PARP8: variants seen among roughly 807,000 people sequenced by gnomAD.
PARP8 encodes poly(ADP-ribose) polymerase family member 8.
Under a neutral mutation model 124.1 loss-of-function variants are expected in PARP8, and 51 were observed. The ratio of observed to expected loss-of-function variants is 0.41; its 90% CI spans 0.33 to 0.52. The LOEUF (loss-of-function observed/expected upper bound fraction) is 0.52, where lower values mean the gene tolerates loss of function less well. Among genes scored for constraint, PARP8 ranks in the 20% least tolerant of loss-of-function variants. The pLI is 0.21. For missense variants in PARP8, 860 were observed against 1,018.9 expected, an observed-to-expected ratio of 0.84 and a Z score of 2.12; for synonymous variants, 391 against 361.5, an observed-to-expected ratio of 1.08 and a Z score of -0.93.
chr5:50,774,193 T>A (rs963521276), intron 7 of PARP8, among the ~76,000 whole-genome samples: 9 of 152,210 alleles, frequency 5.9e-5, no homozygotes, highest in Non-Finnish European at 1.3e-4. Context: ...GGCAGAAGAA[T>A]TTTTCTTAGT....
At chr5:50,713,499 C>T (rs1303625891) in intron 2 of PARP8, among the ~76,000 whole-genome samples, 3 of 151,956 alleles carry the variant, frequency 2.0e-5, no homozygotes, top group African/African-American at 7.2e-5. Context: ...CCTGTGCCTC[C>T]CATAGTGCTG....
intron 25 of PARP8, among the ~76,000 whole-genome samples, chr5:50,837,782 G>A (rs1747744857): frequency 6.6e-6 from 1 of 150,708 alleles, no homozygotes; most frequent in South Asian, 2.1e-4. Flanking sequence ...AAAATTTAAA[G>A]GAAGATATCA....
chr5:50,803,082 A>G (rs1481968208), intron 14 of PARP8, among the ~76,000 whole-genome samples: 1 of 151,506 alleles, frequency 6.6e-6, no homozygotes, highest in Non-Finnish European at 1.5e-5. Context: ...TGGGTATAGA[A>G]TTCATGGTTG....
rs144831049 is a variant in PARP8, at chr5:50,817,826, C to T, written c.1668+2302C>T. On this transcript the variant is annotated intron_variant, in intron 15 of 25. Coordinates refer to ENST00000281631, the MANE Select transcript of PARP8 (RefSeq NM_024615.4). ...AGACTAATGACTAAAGACTAATGAC[C>T]GAATTTTTCTCATTTGCCTGAAAGG... Among the ~76,000 whole-genome samples the T allele has an allele frequency of 2.0e-3, 300 of 152,124 alleles. 3 individuals carry two copies. The highest frequency in any genetic ancestry group is 6.7e-3 in the African/African-American group (279 of 41,490).
At position 50,795,430 on chromosome 5, in the gene PARP8, T is replaced by G. The variant is rs544807592; in HGVS notation, c.1428+13T>G. ...TTCTCAGCTTGCTGTGCGTAAATAT[T>G]TTCATCTTGAGTTCTTAAATGTTAG... On this transcript the variant is annotated intron_variant, in intron 12 of 25. Transcript: ENST00000281631. 6 of 1,557,260 alleles carry G rather than the reference T, an allele frequency of 3.9e-6. No individual in the cohort carries two copies. The highest frequency in any genetic ancestry group is 5.2e-6 in the Non-Finnish European group (6 of 1,155,926).
intron 2 of PARP8, among the ~76,000 whole-genome samples, chr5:50,700,752 C>A (rs1223670359): frequency 2.0e-5 from 3 of 152,082 alleles, no homozygotes; most frequent in Non-Finnish European, 4.4e-5. Context: ...CTCAAAATTA[C>A]GTTTTTCTTC....
At chr5:50,783,987 T>A (rs1006221548) in intron 9 of PARP8, among the ~76,000 whole-genome samples, 2 of 152,214 alleles carry the variant, frequency 1.3e-5, no homozygotes, top group African/African-American at 4.8e-5. Flanking sequence ...TTACAAAAAG[T>A]TGATATTTTA....
intron 7 of PARP8, among the ~76,000 whole-genome samples, chr5:50,768,478 G>A (rs1175314387): frequency 1.3e-5 from 2 of 152,080 alleles, no homozygotes; most frequent in Non-Finnish European, 2.9e-5. Context: ...CATTTGTGGA[G>A]GCATTCTTTT....
At chr5:50,779,571 G>C (rs1740437763) in intron 9 of PARP8, among the ~76,000 whole-genome samples, 1 of 152,196 alleles carries the variant, frequency 6.6e-6, no homozygotes, top group Non-Finnish European at 1.5e-5. Context: ...GGATGCAAAT[G>C]CAAGTGTTGG....
At chr5:50,826,825 T>A in intron 19 of PARP8, 22 bp downstream of exon 19, 2 of 1,548,528 alleles carry the variant, frequency 1.3e-6, no homozygotes, top group Non-Finnish European at 1.8e-6. Flanking sequence ...TTTTTTTTTT[T>A]ACATATGCAT....
At chr5:50,703,844 G>A (rs1021264468) in intron 2 of PARP8, among the ~76,000 whole-genome samples, 1 of 151,878 alleles carries the variant, frequency 6.6e-6, no homozygotes, top group Non-Finnish European at 1.5e-5. Context: ...CCAGGAGGTC[G>A]AGGCTGCAGT....
intron 2 of PARP8, among the ~76,000 whole-genome samples, chr5:50,724,658 C>A (rs1186028705): frequency 1.3e-5 from 2 of 151,958 alleles, no homozygotes; most frequent in African/African-American, 4.8e-5. Context: ...TTGGTAAAAG[C>A]AATACATATT....
intron 2 of PARP8, among the ~76,000 whole-genome samples, chr5:50,684,449 CA>C (rs1751631270): frequency 7.9e-6 from 1 of 127,374 alleles, no homozygotes; most frequent in Admixed American, 8.1e-5. Context: ...AATATGAAAT[CA>C]GGGGCTGAAA....
intron 23 of PARP8, 93 bp from the exon 24 acceptor site, chr5:50,833,876 TGACCTGGAGC>T: frequency 3.8e-6 from 3 of 788,016 alleles, no homozygotes; most frequent in African/African-American, 1.8e-5. Context: ...TTTTTTTTTT[TGACCTGGAGC>T]CATCTTAGTG....
At position 50,795,318 on chromosome 5, in the gene PARP8, G is replaced by A. The variant is rs75262445; in HGVS notation, c.1329G>A (p.Glu443=). 2,076 of 1,614,110 alleles carry A rather than the reference G, an allele frequency of 1.3e-3. 16 individuals carry two copies. The African/African-American group carries it at 0.019, about 15-fold the overall frequency. The change falls in exon 12 of 26, where the codon GAG becomes GAA. Residue 443 remains glutamate, a synonymous_variant. Coordinates refer to ENST00000281631, the MANE Select transcript of PARP8 (RefSeq NM_024615.4). ...GTGCCCCCAAGTCATCCAAAACTGA[G>A]CTTTTCAAGGAACCTAACGCAGAGG... ...YSSAPKSSKT[E]LFKEPNAEGR... is the part of the protein sequence containing the mutation.
At chr5:50,833,951 C>CT (rs771976193) in intron 23 of PARP8, 28 bp from the exon 24 acceptor site, 43 of 1,589,722 alleles carry the variant, frequency 2.7e-5, no homozygotes, top group Non-Finnish European at 3.4e-5. Context: ...CATTCTGACT[C>CT]TAAGTTTTAA....
At chr5:50,765,310 CAT>C (rs1760955326) in intron 7 of PARP8, among the ~76,000 whole-genome samples, 3 of 151,934 alleles carry the variant, frequency 2.0e-5, no homozygotes, top group Admixed American at 2.0e-4. Context: ...AACTTTAGCA[CAT>C]GTTTATTTCT....
chr5:50,841,984 G>T lies in PARP8; in HGVS notation c.2481G>T (p.Val827=). 6.3e-7 allele frequency: 1 copy of T among 1,598,000 alleles called. No individual in the cohort carries two copies. Among genetic ancestry groups the T allele is most frequent in the Admixed American group, 1.7e-5 (1 of 57,840 alleles). ...RFFFVYEDGQ[V]GDANINTQEG... is the part of the protein sequence containing the mutation. ...ATTTCAGCTATGAAGACGGCCAAGT[G>T]GGAGATGCAAATATTAATACACAAG... Residue 827 remains valine (V), a synonymous_variant, in exon 26 of 26, where the codon GTG becomes GTT. Coordinates refer to ENST00000281631, the MANE Select transcript of PARP8 (RefSeq NM_024615.4).
At chr5:50,716,983 T>G (rs1389726800) in intron 2 of PARP8, among the ~76,000 whole-genome samples, 1 of 152,104 alleles carries the variant, frequency 6.6e-6, no homozygotes, top group East Asian at 1.9e-4. Flanking sequence ...GTGTTTGCAA[T>G]ACTGTGTTTA....
Sources: allele counts gnomAD v4.1 joint callset (sites outside exome capture counted in the v4.1 genomes callset), GRCh38; gene constraint gnomAD v4.1.1; transcripts MANE v1.5; gene names NCBI Gene and HGNC (gene_info 2026-07-23, HGNC 2026-07-21).